ITGB4: variants seen among roughly 807,000 people sequenced by gnomAD.
ITGB4 encodes the protein integrin beta-4.
In ITGB4, 159 loss-of-function variants were observed where a neutral mutation model predicts 207.6. That is an observed-to-expected ratio of 0.77 (90% confidence interval 0.67 to 0.87). The LOEUF is 0.87. Ranked by LOEUF, ITGB4 falls within the 40% of genes least tolerant of loss-of-function variation. ITGB4 has a pLI of 0.00. For missense variants in ITGB4, 2,278 were observed against 2,546.8 expected (o/e 0.89, Z 2.27); for synonymous variants, 1,020 against 1,062.7 (o/e 0.96, Z 0.78).
chr17:75,739,530 C>A lies in ITGB4; in HGVS notation c.2221-142C>A. On this transcript the variant is annotated intron_variant, in intron 18 of 39. Coordinates refer to ENST00000200181, the MANE Select transcript of ITGB4 (RefSeq NM_000213.5). The surrounding 1 kb of genome is among the most constrained non-coding windows in gnomAD (Gnocchi z 5.4). ...ATGCCCTTGTGTGCCATGCTTACAC[C>A]CTGCTACCACCTGGATATTCTGGTG... 7 of 943,320 alleles carry A rather than the reference C, an allele frequency of 7.4e-6. No individual in the cohort carries two copies. Among genetic ancestry groups the A allele is most frequent in the Non-Finnish European group, 1.2e-5 (7 of 592,470 alleles). The allele number at this position is 943,320 out of a possible 1,614,324, so 58.4% of individuals were successfully genotyped here. A position where few individuals can be genotyped will look rare whatever the true frequency, so the allele number is the denominator to read the frequency against.
chr17:75,749,600 C>G (rs1174503076), intron 27 of ITGB4, among the ~76,000 whole-genome samples: 1 of 152,208 alleles, frequency 6.6e-6, no homozygotes, highest in Non-Finnish European at 1.5e-5. Context: ...TCTGGCAACC[C>G]TACAGCTAGA....
Position 75,740,342 on chromosome 17 carries a change from C to T in ITGB4, c.2447-16C>T, listed in dbSNP as rs1311362957. 1 of 1,606,766 alleles carries T rather than the reference C, an allele frequency of 6.2e-7. No homozygotes were observed. The highest frequency in any genetic ancestry group is 8.5e-7 in the Non-Finnish European group (1 of 1,175,598). ...TGACCACCTCCATCTCACCCCCTCC[C>T]ACCGCCTTTCCTTAGTGCCCTACGG... On this transcript the variant is annotated splice_polypyrimidine_tract_variant and intron_variant, in intron 20 of 39. Coordinates refer to ENST00000200181, the MANE Select transcript of ITGB4 (RefSeq NM_000213.5). This position sits in a 1 kb window ranked among gnomAD's most constrained non-coding sequence, Gnocchi z 5.9.
Position 75,731,033 on chromosome 17 carries a change from A to G in ITGB4, c.1092+69A>G. On this transcript the variant is annotated intron_variant, in intron 9 of 39. Transcript: ENST00000200181. This position sits in a 1 kb window ranked among gnomAD's most constrained non-coding sequence, Gnocchi z 6.8. ...GGGCAGGAAGTGGGCAGGGTGGGCA[A>G]GAGGTGTCTTGGATCACGGTGGAGA... The G allele has an allele frequency of 1.3e-6, 2 of 1,483,482 alleles. No individual in the cohort carries two copies. The highest frequency in any genetic ancestry group is 1.9e-6 in the Non-Finnish European group (2 of 1,063,788). The allele number at this position is 1,483,482 out of a possible 1,614,324, so 91.9% of individuals were successfully genotyped here.
Position 75,753,887 on chromosome 17 carries a change from G to T in ITGB4, c.4231G>T (p.Glu1411Ter). The T allele has an allele frequency of 7.6e-7, 1 of 1,317,048 alleles. No homozygotes were observed. Among genetic ancestry groups the T allele is most frequent in the Non-Finnish European group, 9.6e-7 (1 of 1,037,362 alleles). The allele number at this position is 1,317,048 out of a possible 1,614,324, so 81.6% of individuals were successfully genotyped here. A position where few individuals can be genotyped will look rare whatever the true frequency, so the allele number is the denominator to read the frequency against. ...CAGCAGCGGGCGCTCCTCCGACGCCGAGGCGCCCCACGGGCCCCCGGACGA... is the reference window on the plus strand; with the variant it reads ...CAGCAGCGGGCGCTCCTCCGACGCCTAGGCGCCCCACGGGCCCCCGGACGA... The part of the protein sequence containing the change: ...SASSGRSSDA[E>*]APHGPPDDGG... The change falls in exon 33 of 40, where the codon GAG (glutamate) becomes TAG (stop). Residue 1411 changes from glutamate to a stop codon, truncating the protein, a stop_gained. Transcript: ENST00000200181. LOFTEE classifies it high-confidence loss of function.
intron 2 of ITGB4, among the ~76,000 whole-genome samples, chr17:75,726,543 C>T (rs1454152386): frequency 6.6e-6 from 1 of 151,926 alleles, no homozygotes; most frequent in African/African-American, 2.4e-5. Context: ...ACCAGCCTAG[C>T]CAACATGGTG....
At chr17:75,756,653 T>C (rs1417948396) in intron 36 of ITGB4, 36 bp downstream of exon 36, 1 of 1,612,680 alleles carries the variant, frequency 6.2e-7, no homozygotes, top group Admixed American at 1.7e-5. Flanking sequence ...GCTGCCCCCA[T>C]CATGCCCACC....
chr17:75,736,557 C>T lies in ITGB4; in HGVS notation c.1861-8C>T, dbSNP rs998457759. ...CAGTGCCTGTCTGCCCCGCCTTTCC[C>T]CGCCAAGATCCACCCGGGCCTCTGC... On this transcript the variant is annotated splice_region_variant and splice_polypyrimidine_tract_variant and intron_variant, in intron 15 of 39. Coordinates refer to ENST00000200181, the MANE Select transcript of ITGB4 (RefSeq NM_000213.5). 3.8e-6 allele frequency: 6 copies of T among 1,594,960 alleles called. No individual in the cohort carries two copies. The highest frequency in any genetic ancestry group is 3.3e-4 in the Middle Eastern group (2 of 6,004).
chr17:75,733,407 A>T, intron 12 of ITGB4, 83 bp from the exon 13 acceptor site: 1 of 1,067,956 alleles, frequency 9.4e-7, no homozygotes, highest in Non-Finnish European at 1.3e-6. Context: ...TAAAATAATT[A>T]AATTAAATTA....
At chr17:75,741,029 G>C in intron 23 of ITGB4, 24 bp downstream of exon 23, 1 of 1,610,320 alleles carries the variant, frequency 6.2e-7, no homozygotes. Flanking sequence ...TCGTGGGTGA[G>C]AGGGCCCCCA....
At chr17:75,749,419 T>C (rs1042255654) in intron 27 of ITGB4, among the ~76,000 whole-genome samples, 8 of 152,064 alleles carry the variant, frequency 5.3e-5, no homozygotes, top group African/African-American at 1.7e-4. Flanking sequence ...TCCCAGCTAT[T>C]CCGGAGACTG....
rs140575355 is a variant in ITGB4 at position 75,755,731 on chromosome 17, C to T, written c.4589C>T (p.Thr1530Met). 1.9e-4 allele frequency: 307 copies of T among 1,612,898 alleles called. No individual in the cohort carries two copies. The African/African-American group carries it at 3.4e-3, about 18-fold the overall frequency. The change falls in exon 35 of 40, where the codon ACG becomes ATG. Residue 1530 changes from threonine to methionine, a missense_variant. Coordinates refer to ENST00000200181, the MANE Select transcript of ITGB4 (RefSeq NM_000213.5). ...DSRLTAGVPD[T>M]PTRLVFSALG... ...CGCCTGACTGCTGGTGTGCCCGACA[C>T]GCCCACCCGCCTGGTGTTCTCTGCC... is the stretch of plus-strand genomic sequence containing the variant.
In ITGB4 at chr17:75,748,908, A is replaced by G; in HGVS notation, c.3179A>G (p.Lys1060Arg). ...GAGGCCTGGAAAGAGCTGCAGGTGAAGCTCCTGGAGCTGCAAGAAGTTGAC... is the reference window on the plus strand; with the variant it reads ...GAGGCCTGGAAAGAGCTGCAGGTGAGGCTCCTGGAGCTGCAAGAAGTTGAC... The part of the protein sequence containing the change: ...PGEAWKELQV[K>R]LLELQEVDSL... The change falls in exon 27 of 40, where the codon AAG becomes AGG. Residue 1060 changes from lysine (K) to arginine (R), a missense_variant. Transcript: ENST00000200181. 1 of 1,613,210 alleles carries G rather than the reference A, an allele frequency of 6.2e-7. No individual in the cohort carries two copies. The highest frequency in any genetic ancestry group is 2.2e-5 in the East Asian group (1 of 44,864).
chr17:75,750,713 G>C lies in ITGB4; in HGVS notation c.3508G>C (p.Glu1170Gln). 1.2e-6 allele frequency: 2 copies of C among 1,613,400 alleles called. No homozygotes were observed. Among genetic ancestry groups the C allele is most frequent in the Non-Finnish European group, 1.7e-6 (2 of 1,180,022 alleles). The stretch of plus-strand genomic sequence containing the variant: ...CTGGATTCAGGGTGACTCCGAATCC[G>C]AAGCCCACCTGCTCGACAGCAAGGT... ...KYWIQGDSES[E>Q]AHLLDSKVPS... The change falls in exon 29 of 40, where the codon GAA (glutamate) becomes CAA (glutamine). Residue 1170 changes from glutamate to glutamine, a missense_variant. Glu to Gln is a conservative substitution (Grantham distance 29). Coordinates refer to ENST00000200181, the MANE Select transcript of ITGB4 (RefSeq NM_000213.5). The surrounding 1 kb of genome is among the most constrained non-coding windows in gnomAD (Gnocchi z 5.5).
rs557152811 is a variant in ITGB4, at chr17:75,731,578, G to A, written c.1215+210G>A. The stretch of plus-strand genomic sequence containing the variant: ...AGCGTCGAGCCCGGAGGCTTGCTGG[G>A]GCAGTAAATGGGTTAGTGTCACGAA... On this transcript the variant is annotated intron_variant, in intron 10 of 39. Coordinates refer to ENST00000200181, the MANE Select transcript of ITGB4 (RefSeq NM_000213.5). This position sits in a 1 kb window ranked among gnomAD's most constrained non-coding sequence, Gnocchi z 6.8. Among the ~76,000 whole-genome samples, 5 of 152,266 alleles carry A rather than the reference G, an allele frequency of 3.3e-5. No homozygotes were observed. Among genetic ancestry groups the A allele is most frequent in the African/African-American group, 1.2e-4 (5 of 41,562 alleles).
rs201103623 is a variant in ITGB4, at chr17:75,736,331, A to G, written c.1805A>G (p.His602Arg). 6.2e-7 allele frequency: 1 copy of G among 1,614,078 alleles called. No individual in the cohort carries two copies. The highest frequency in any genetic ancestry group is 8.5e-7 in the Non-Finnish European group (1 of 1,180,032). Residue 602 changes from histidine to arginine, a missense_variant, in exon 15 of 40, where the codon CAC (histidine) becomes CGC (arginine). By Grantham distance (29) the His-to-Arg change is conservative. Transcript: ENST00000200181. Reference sequence around the variant, plus strand: ...GGCCACTGTGAGTGTGGCCGCTGCCACTGCCACCAGCAGTCGCTCTACACG... The same window carrying G: ...GGCCACTGTGAGTGTGGCCGCTGCCGCTGCCACCAGCAGTCGCTCTACACG... ...GRGHCECGRC[H>R]CHQQSLYTDT... is the part of the protein sequence containing the mutation.
rs373121522 is a variant in ITGB4, at chr17:75,753,701, C to G, written c.4109-64C>G. On this transcript the variant is annotated intron_variant, in intron 32 of 39. Transcript: ENST00000200181. ...CCTCGCAGAGCCTACGGCCTTCCCC[C>G]GCCTGGCCCTGCTCGGCCCGGCGCC... 141 of 1,143,316 alleles carry G rather than the reference C, an allele frequency of 1.2e-4. 1 individual carries two copies. In the East Asian group the frequency reaches 3.4e-3, roughly 28 times the overall value. The allele number at this position is 1,143,316 out of a possible 1,614,324, so 70.8% of individuals were successfully genotyped here. A position where few individuals can be genotyped will look rare whatever the true frequency, so the allele number is the denominator to read the frequency against.
chr17:75,745,886 G>GA (rs200421144), intron 26 of ITGB4, among the ~76,000 whole-genome samples: 22 of 149,168 alleles, frequency 1.5e-4, no homozygotes, highest in Middle Eastern at 3.4e-3. Context: ...CTCGAAAAAA[G>GA]AAAAAAAAAA....
Position 75,753,813 on chromosome 17 carries a change from G to C in ITGB4, c.4157G>C (p.Arg1386Pro), listed in dbSNP as rs945809279. The C allele has an allele frequency of 2.0e-6, 3 of 1,465,922 alleles. No homozygotes were observed. Among genetic ancestry groups the C allele is most frequent in the Non-Finnish European group, 2.7e-6 (3 of 1,109,756 alleles). 90.8% of individuals were successfully genotyped at this position (1,465,922 alleles called of 1,614,324 possible). ...CTGCTGGGGGAGGAGCTGGACCTGC[G>C]GCGCGTCACGTGGCGGCTGCCCCCG... Reference protein sequence around the residue: ...EPLLGEELDLRRVTWRLPPEL... With the variant: ...EPLLGEELDLPRVTWRLPPEL... Residue 1386 changes from arginine to proline, a missense_variant, in exon 33 of 40, where the codon CGG becomes CCG. Coordinates refer to ENST00000200181, the MANE Select transcript of ITGB4 (RefSeq NM_000213.5).
Position 75,733,599 on chromosome 17 carries a change from C to A in ITGB4, c.1564C>A (p.His522Asn), listed in dbSNP as rs747272956. ...CGGCCGTGGGGAGTGCCAGTGCGGG[C>A]ACTGTGTGTGCTACGGCGAAGGCCG... ...CSGRGECQCG[H>N]CVCYGEGRYE... The change falls in exon 13 of 40, where the codon CAC becomes AAC. Residue 522 changes from histidine to asparagine, a missense_variant. Transcript: ENST00000200181. The A allele has an allele frequency of 7.4e-6, 12 of 1,614,014 alleles. No individual in the cohort carries two copies. Among genetic ancestry groups the A allele is most frequent in the Non-Finnish European group, 1.0e-5 (12 of 1,180,038 alleles).
Sources: allele counts gnomAD v4.1 joint callset (sites outside exome capture counted in the v4.1 genomes callset), GRCh38; gene constraint gnomAD v4.1.1; non-coding constraint Gnocchi (gnomAD v3.1); transcripts MANE v1.5; gene names NCBI Gene and HGNC (gene_info 2026-07-23, HGNC 2026-07-21).